Variants in SMG6 observed in about 807,000 individuals in gnomAD.
The protein encoded by SMG6 is telomerase-binding protein EST1A.
In SMG6, 66 loss-of-function variants were observed where a neutral mutation model predicts 142.2. That is an observed-to-expected ratio of 0.46 (90% CI 0.38 to 0.57). The LOEUF is 0.57. Among genes scored for constraint, SMG6 ranks in the 20% least tolerant of loss-of-function variants. SMG6 has a pLI of 0.00. For synonymous variants in SMG6, 779 were observed against 702.4 expected (o/e 1.11, Z -1.72); for missense variants, 1,793 against 1,832.0 (o/e 0.98, Z 0.39).
chr17:2,142,409 C>T (rs2070509086), intron 13 of SMG6, among the ~76,000 whole-genome samples: 1 of 152,068 alleles, frequency 6.6e-6, no homozygotes, highest in Admixed American at 6.6e-5. Context: ...CTTTGGGAGG[C>T]CAAGGCAGGA....
intron 13 of SMG6, among the ~76,000 whole-genome samples, chr17:2,151,437 G>A (rs1410044856): frequency 6.6e-6 from 1 of 150,920 alleles, no homozygotes; most frequent in Non-Finnish European, 1.5e-5. Context: ...TGAGATTCAC[G>A]AAGGCTCAGA....
intron 10 of SMG6, among the ~76,000 whole-genome samples, chr17:2,191,004 T>C (rs1056323565): frequency 6.6e-6 from 1 of 152,170 alleles, no homozygotes; most frequent in African/African-American, 2.4e-5. Flanking sequence ...GGCCTGTCCT[T>C]CTCCATGGCT....
intron 10 of SMG6, among the ~76,000 whole-genome samples, chr17:2,221,938 T>C (rs568969387): frequency 2.0e-5 from 3 of 152,352 alleles, no homozygotes; most frequent in African/African-American, 7.2e-5. Context: ...TTTCGCCATG[T>C]TGGCCAGGCT....
intron 13 of SMG6, among the ~76,000 whole-genome samples, chr17:2,136,028 G>GTGTGTGTC (rs2070289909): frequency 6.7e-6 from 1 of 149,424 alleles, no homozygotes; most frequent in Non-Finnish European, 1.5e-5. Context: ...GTGTGTGTGT[G>GTGTGTGTC]TGTGTGTGTC....
At chr17:2,099,733 T>C (rs1047628152) in intron 13 of SMG6, among the ~76,000 whole-genome samples, 2 of 152,194 alleles carry the variant, frequency 1.3e-5, no homozygotes, top group African/African-American at 4.8e-5. Flanking sequence ...AGTCAGCAAA[T>C]GGCTGCCATA....
At chr17:2,146,333 A>G (rs536249937) in intron 13 of SMG6, among the ~76,000 whole-genome samples, 3 of 152,246 alleles carry the variant, frequency 2.0e-5, no homozygotes, top group Non-Finnish European at 4.4e-5. Context: ...GGGAAAAACC[A>G]AGTCAGAGAC....
intron 18 of SMG6, 95 bp downstream of exon 18, chr17:2,064,978 C>G: frequency 2.0e-6 from 2 of 978,080 alleles, no homozygotes; most frequent in South Asian, 2.9e-5. Flanking sequence ...ACTTCCCAGG[C>G]CAGAGTCAGT....
intron 6 of SMG6, among the ~76,000 whole-genome samples, chr17:2,291,158 C>G (rs951694099): frequency 6.6e-6 from 1 of 152,046 alleles, no homozygotes; most frequent in Non-Finnish European, 1.5e-5. Flanking sequence ...AATGAAACCC[C>G]GTCTCTACTA....
chr17:2,088,995 C>G (rs185153955), intron 13 of SMG6, among the ~76,000 whole-genome samples: 63 of 152,284 alleles, frequency 4.1e-4, no homozygotes, highest in Non-Finnish European at 6.9e-4. Context: ...TAAGAGACTT[C>G]ATAATGAAAG....
At chr17:2,103,608 CTT>C (rs2069071402) in intron 13 of SMG6, among the ~76,000 whole-genome samples, 1 of 152,196 alleles carries the variant, frequency 6.6e-6, no homozygotes, top group Non-Finnish European at 1.5e-5. Flanking sequence ...TCTGAGGACT[CTT>C]GTCAGCGGCC....
chr17:2,292,895 G>T lies in SMG6; in HGVS notation c.2234C>A (p.Thr745Lys). 6.2e-7 allele frequency: 1 copy of T among 1,614,026 alleles called. No homozygotes were observed. The highest frequency in any genetic ancestry group is 8.5e-7 in the Non-Finnish European group (1 of 1,179,918). Reference sequence around the variant, plus strand: ...CCTGCGTGCTTTCCCATAATTCGCTGTATCACTGGCTTGCTCCCGGTACCT... The same window carrying T: ...CCTGCGTGCTTTCCCATAATTCGCTTTATCACTGGCTTGCTCCCGGTACCT... ...IARYREQASD[T>K]ANYGKARSWY... Residue 745 changes from threonine (T) to lysine (K), a missense_variant, in exon 5 of 19, where the codon ACA (threonine) becomes AAA (lysine). Coordinates refer to ENST00000263073, the MANE Select transcript of SMG6 (RefSeq NM_017575.5).
intron 8 of SMG6, among the ~76,000 whole-genome samples, chr17:2,252,095 C>T (rs1018151761): frequency 1.4e-5 from 2 of 142,104 alleles, no homozygotes; most frequent in Non-Finnish European, 3.0e-5. Context: ...AGCGAAACTC[C>T]ATCTCAGAAA....
intron 13 of SMG6, among the ~76,000 whole-genome samples, chr17:2,139,759 T>C (rs2070418005): frequency 6.6e-6 from 1 of 151,828 alleles, no homozygotes; most frequent in Non-Finnish European, 1.5e-5. Flanking sequence ...GGAGTTTCGC[T>C]CTGTCACCCA....
chr17:2,303,155 G>A (rs2075323107), intron 1 of SMG6: 1 of 985,350 alleles, frequency 1.0e-6, no homozygotes, highest in Non-Finnish European at 1.2e-6. Flanking sequence ...TCGGAAGCCT[G>A]TCTTGGGGGG....
At chr17:2,134,340 C>T (rs2095894505) in intron 13 of SMG6, among the ~76,000 whole-genome samples, 1 of 145,058 alleles carries the variant, frequency 6.9e-6, no homozygotes, top group Admixed American at 7.1e-5. Flanking sequence ...ATTGCTTGAA[C>T]CCAAGAGGCG....
At chr17:2,237,590 C>G (rs2073699517) in intron 9 of SMG6, 1 of 984,950 alleles carries the variant, frequency 1.0e-6, no homozygotes, top group African/African-American at 1.7e-5. Flanking sequence ...TGTTTTCAGG[C>G]CAGTGGAAAT....
At chr17:2,109,133 T>C (rs2069237987) in intron 13 of SMG6, among the ~76,000 whole-genome samples, 1 of 152,266 alleles carries the variant, frequency 6.6e-6, no homozygotes, top group Non-Finnish European at 1.5e-5. Flanking sequence ...TGTATTTTTC[T>C]GCAGGTTGTC....
intron 13 of SMG6, among the ~76,000 whole-genome samples, chr17:2,130,196 C>G (rs2151544022): frequency 7.0e-6 from 1 of 142,908 alleles, no homozygotes; most frequent in African/African-American, 2.7e-5. Context: ...GGAAGCGGAG[C>G]TTGCAGTGAG....
chr17:2,303,745 A>G lies in SMG6; in HGVS notation c.-25T>C. 2 of 1,482,286 alleles carry G rather than the reference A, an allele frequency of 1.3e-6. No individual in the cohort carries two copies. The highest frequency in any genetic ancestry group is 2.5e-5 in the South Asian group (2 of 78,940). The allele number at this position is 1,482,286 out of a possible 1,614,324, so 91.8% of individuals were successfully genotyped here. ...TCTTCGCGGCTGCTGCTACAGCCGT[A>G]GCGGCTCCGCCACCGCCGCGCGCAG... On this transcript the variant is annotated 5_prime_UTR_variant, in exon 1 of 19. Coordinates refer to ENST00000263073, the MANE Select transcript of SMG6 (RefSeq NM_017575.5).
Sources: allele counts gnomAD v4.1 joint callset (sites outside exome capture counted in the v4.1 genomes callset), GRCh38; gene constraint gnomAD v4.1.1; transcripts MANE v1.5; gene names NCBI Gene and HGNC (gene_info 2026-07-23, HGNC 2026-07-21).